CASQ2: variants seen among roughly 807,000 people sequenced by gnomAD.
The protein encoded by CASQ2 is calsequestrin 2.
In CASQ2, 49 loss-of-function variants were observed where a neutral mutation model predicts 46.5. That is an observed-to-expected ratio of 1.05 (90% CI 0.84 to 1.34). CASQ2 has a LOEUF of 1.34. Ranked by LOEUF, CASQ2 falls within the 40% of genes most tolerant of loss-of-function variation. CASQ2 has a pLI of 0.00. For synonymous variants in CASQ2, 174 were observed against 168.5 expected, an observed-to-expected ratio of 1.03 and a Z score of -0.25; for missense variants, 486 against 481.3, an observed-to-expected ratio of 1.01 and a Z score of -0.09.
At chr1:115,725,577 AAAAG>A (rs762677092) in intron 6 of CASQ2, 24 bp from the exon 7 acceptor site, 3 of 1,594,414 alleles carry the variant, frequency 1.9e-6, no homozygotes, top group African/African-American at 1.4e-5. Flanking sequence ...AAAAAAAAAA[AAAAG>A]AAAGAGCTTC....
At chr1:115,711,116 C>T (rs749547833) in intron 8 of CASQ2, among the ~76,000 whole-genome samples, 2 of 152,166 alleles carry the variant, frequency 1.3e-5, no homozygotes, top group African/African-American at 4.8e-5. Flanking sequence ...CCTCATGGCC[C>T]CACTCCTGGG....
chr1:115,720,663 C>T (rs1010352476), intron 7 of CASQ2, among the ~76,000 whole-genome samples: 7 of 152,138 alleles, frequency 4.6e-5, no homozygotes, highest in Admixed American at 1.3e-4. Context: ...CCCAAAGAAC[C>T]GGAGATTTGG....
chr1:115,706,159 T>C (rs1466218338), intron 8 of CASQ2, among the ~76,000 whole-genome samples: 1 of 149,736 alleles, frequency 6.7e-6, no homozygotes, highest in Non-Finnish European at 1.5e-5. Flanking sequence ...CGTGCGTGTG[T>C]GTATGTGTGT....
At chr1:115,702,672 A>G (rs1249405811) in intron 10 of CASQ2, among the ~76,000 whole-genome samples, 1 of 152,184 alleles carries the variant, frequency 6.6e-6, no homozygotes, top group Non-Finnish European at 1.5e-5. Context: ...GGAAAGTTCC[A>G]AATCAGTGAT....
chr1:115,757,604 C>A (rs140420353), intron 1 of CASQ2, among the ~76,000 whole-genome samples: 2 of 152,296 alleles, frequency 1.3e-5, no homozygotes, highest in South Asian at 4.1e-4. Context: ...AATGCAACCA[C>A]CACTGGGATA....
intron 5 of CASQ2, among the ~76,000 whole-genome samples, chr1:115,728,304 A>G (rs1284286650): frequency 1.3e-5 from 2 of 152,218 alleles, no homozygotes; most frequent in African/African-American, 4.8e-5. Flanking sequence ...AAGGCATTTC[A>G]TATAGTACTT....
intron 3 of CASQ2, 22 bp from the exon 4 acceptor site, chr1:115,738,357 C>T (rs767897417): frequency 8.8e-6 from 12 of 1,356,950 alleles, no homozygotes; most frequent in Middle Eastern, 1.8e-4. Context: ...CACGCACATA[C>T]ACACATGTTC....
rs569867163 is a variant in CASQ2 at position 115,726,572 on chromosome 1, T to G, written c.737+420A>C. Among the ~76,000 whole-genome samples the G allele has an allele frequency of 5.2e-5, 8 of 152,396 alleles. No homozygotes were observed. The South Asian group carries it at 1.4e-3, about 28-fold the overall frequency. On this transcript the variant is annotated intron_variant, in intron 6 of 10. Transcript: ENST00000261448. The stretch of plus-strand genomic sequence containing the variant: ...GAGTGTTCATCCTTGGCTAAGTTAC[T>G]TAACTATTGAGTCCAATTCCTTGAT...
At chr1:115,725,660 T>C (rs933631673) in intron 6 of CASQ2, 107 bp from the exon 7 acceptor site, 4 of 1,414,872 alleles carry the variant, frequency 2.8e-6, no homozygotes, top group Non-Finnish European at 3.9e-6. Context: ...AGATGATGCT[T>C]CCTTTGCAAG....
intron 8 of CASQ2, among the ~76,000 whole-genome samples, chr1:115,715,648 C>T (rs1162695207): frequency 6.6e-6 from 1 of 152,126 alleles, no homozygotes; most frequent in Admixed American, 6.6e-5. Context: ...GTCCTAAAAA[C>T]CACTGGAATC....
chr1:115,718,725 A>G (rs1480929610), intron 7 of CASQ2, among the ~76,000 whole-genome samples: 1 of 152,100 alleles, frequency 6.6e-6, no homozygotes, highest in East Asian at 1.9e-4. Context: ...GAACCTAGAG[A>G]GAGTATTTTA....
intron 1 of CASQ2, among the ~76,000 whole-genome samples, chr1:115,754,053 G>A (rs1648673566): frequency 1.3e-5 from 2 of 152,182 alleles, no homozygotes; most frequent in Non-Finnish European, 2.9e-5. Context: ...CATGCCATCT[G>A]GCAACATGTC....
intron 1 of CASQ2, among the ~76,000 whole-genome samples, chr1:115,763,511 A>G (rs1376444855): frequency 1.3e-5 from 2 of 152,168 alleles, no homozygotes; most frequent in Non-Finnish European, 2.9e-5. Flanking sequence ...CCCAGCTCCC[A>G]AGGCCTGATT....
intron 1 of CASQ2, among the ~76,000 whole-genome samples, chr1:115,756,813 G>T (rs774430631): frequency 6.6e-6 from 1 of 152,106 alleles, no homozygotes; most frequent in Non-Finnish European, 1.5e-5. Context: ...TGGGCAGGGT[G>T]GCACACGCCT....
intron 4 of CASQ2, among the ~76,000 whole-genome samples, chr1:115,737,516 A>G (rs1266158043): frequency 1.3e-5 from 2 of 152,120 alleles, no homozygotes; most frequent in African/African-American, 2.4e-5. Flanking sequence ...AAAAAAGCCT[A>G]CCTCACGGGG....
intron 1 of CASQ2, among the ~76,000 whole-genome samples, chr1:115,759,722 C>T (rs1648876215): frequency 6.6e-6 from 1 of 152,194 alleles, no homozygotes; most frequent in African/African-American, 2.4e-5. Flanking sequence ...AAAATACTCA[C>T]CAGTTTTCTC....
At chr1:115,749,837 A>T (rs928732439) in intron 1 of CASQ2, among the ~76,000 whole-genome samples, 1 of 151,780 alleles carries the variant, frequency 6.6e-6, no homozygotes, top group Non-Finnish European at 1.5e-5. Flanking sequence ...ACCTAGTCTC[A>T]CTGCATTCTC....
At chr1:115,738,072 T>C in intron 4 of CASQ2, 152 bp downstream of exon 4, 1 of 711,144 alleles carries the variant, frequency 1.4e-6, no homozygotes, top group South Asian at 1.5e-5. Flanking sequence ...TTTGCACATG[T>C]ACTCCACTGT....
At chr1:115,751,476 G>A (rs1299848955) in intron 1 of CASQ2, among the ~76,000 whole-genome samples, 11 of 151,414 alleles carry the variant, frequency 7.3e-5, no homozygotes, top group Non-Finnish European at 1.3e-4. Context: ...AGATCATCCT[G>A]GCTAACACGG....
Sources: allele counts gnomAD v4.1 joint callset (sites outside exome capture counted in the v4.1 genomes callset), GRCh38; gene constraint gnomAD v4.1.1; transcripts MANE v1.5; gene names NCBI Gene and HGNC (gene_info 2026-07-23, HGNC 2026-07-21).